Variants in GM2A observed in about 807,000 individuals in gnomAD.
GM2A encodes ganglioside GM2 activator, also known as GM2 ganglioside activator.
In GM2A, 7 loss-of-function variants were observed where a neutral mutation model predicts 12.9. The ratio of observed to expected loss-of-function variants is 0.54; its 90% CI spans 0.31 to 1.02. The LOEUF (loss-of-function observed/expected upper bound fraction) is 1.02, where lower values mean the gene tolerates loss of function less well. Ranked by LOEUF, GM2A falls within the 50% of genes least tolerant of loss-of-function variation. GM2A has a pLI of 0.05. For missense variants in GM2A, 246 were observed against 241.0 expected, an observed-to-expected ratio of 1.02 and a Z score of -0.14; for synonymous variants, 101 against 96.0, an observed-to-expected ratio of 1.05 and a Z score of -0.30.
At position 151,259,850 on chromosome 5, in the gene GM2A, C is replaced by T. The variant is rs745799277; in HGVS notation, c.177C>T (p.Ile59=). The change falls in exon 2 of 4, where the codon ATC becomes ATT. Residue 59 remains isoleucine, a synonymous_variant. Coordinates refer to ENST00000357164, the MANE Select transcript of GM2A (RefSeq NM_000405.5). Reference sequence around the variant, plus strand: ...TGACTCTGGAGCCTGACCCCATCATCGTTCCTGGAAATGTGACCCTCAGTG... The same window carrying T: ...TGACTCTGGAGCCTGACCCCATCATTGTTCCTGGAAATGTGACCCTCAGTG... ...RSLTLEPDPI[I]VPGNVTLSVM... 4.9e-5 allele frequency: 79 copies of T among 1,613,226 alleles called. No homozygotes were observed. Among genetic ancestry groups the T allele is most frequent in the Non-Finnish European group, 6.4e-5 (75 of 1,179,304 alleles).
chr5:151,258,082 G>A (rs527511104), intron 1 of GM2A, among the ~76,000 whole-genome samples: 15 of 152,364 alleles, frequency 9.8e-5, no homozygotes, highest in African/African-American at 3.4e-4. Flanking sequence ...AATGTTGAAG[G>A]AAACATTTAG....
chr5:151,258,062 T>C (rs769335943), intron 1 of GM2A, among the ~76,000 whole-genome samples: 3 of 152,336 alleles, frequency 2.0e-5, no homozygotes, highest in Admixed American at 6.5e-5. Context: ...CCATAAATAT[T>C]TGTGGAATGA....
chr5:151,259,669 A>C, intron 1 of GM2A, 86 bp from the exon 2 acceptor site: 33 of 1,287,864 alleles, frequency 2.6e-5, no homozygotes, highest in Non-Finnish European at 3.2e-5. Flanking sequence ...TCACTCTGCC[A>C]GGAGCTCATT....
Position 151,266,448 on chromosome 5 carries a change from A to G in GM2A, c.244-283A>G, listed in dbSNP as rs1045426949. ...CAGTGAGTGCAGTGAGCCATGATAC[A>G]AAAAAAAAAAAAAAGAATTCTAAGT... On this transcript the variant is annotated intron_variant, in intron 2 of 3. Coordinates refer to ENST00000357164, the MANE Select transcript of GM2A (RefSeq NM_000405.5). 7.4e-5 allele frequency among the ~76,000 whole-genome samples: 6 copies of G among 81,412 alleles called. No individual in the cohort carries two copies. In the Admixed American group the frequency reaches 8.8e-4, roughly 12 times the overall value. The allele number at this position is 81,412 out of a possible 152,430, so 53.4% of individuals were successfully genotyped here. A position where few individuals can be genotyped will look rare whatever the true frequency, so the allele number is the denominator to read the frequency against.
In GM2A at chr5:151,270,424, C is replaced by A. The variant is rs1753986575; in HGVS notation, c.*2973C>A. 2 of 398,102 alleles carry A rather than the reference C, an allele frequency of 5.0e-6. No individual in the cohort carries two copies. Among genetic ancestry groups the A allele is most frequent in the Admixed American group, 4.4e-5 (1 of 22,706 alleles). 24.7% of individuals were successfully genotyped at this position (398,102 alleles called of 1,614,324 possible). ...ATGACTGGGAGAAAAATTTATCCAG[C>A]CTATATAATAGACAAACAGTTAGTG... On this transcript the variant is annotated 3_prime_UTR_variant, in exon 4 of 4. Transcript: ENST00000357164.
intron 1 of GM2A, among the ~76,000 whole-genome samples, chr5:151,253,766 G>A (rs1753634826): frequency 6.6e-6 from 1 of 152,176 alleles, no homozygotes; most frequent in Middle Eastern, 3.4e-3. Context: ...TTGCCCATCT[G>A]GTGACAAATA....
chr5:151,254,594 C>T (rs1016960801), intron 1 of GM2A, among the ~76,000 whole-genome samples: 26 of 152,238 alleles, frequency 1.7e-4, no homozygotes, highest in African/African-American at 6.3e-4. Context: ...CTTAACTTTC[C>T]ATGAGGTTAT....
chr5:151,261,007 A>G (rs1016111491), intron 2 of GM2A, among the ~76,000 whole-genome samples: 1 of 151,630 alleles, frequency 6.6e-6, no homozygotes, highest in African/African-American at 2.4e-5. Flanking sequence ...TTTTTATCCA[A>G]TCATTATTTT....
rs1753973317 is a variant in GM2A at position 151,269,822 on chromosome 5, C to A, written c.*2371C>A. On this transcript the variant is annotated 3_prime_UTR_variant, in exon 4 of 4. Coordinates refer to ENST00000357164, the MANE Select transcript of GM2A (RefSeq NM_000405.5). ...ACATTCAGTCCTCTCACCGAGGTGC[C>A]CCATGGCAGTCTTCTGCAGCATTCT... The A allele has an allele frequency of 4.0e-6, 1 of 249,040 alleles. No individual in the cohort carries two copies. Among genetic ancestry groups the A allele is most frequent in the South Asian group, 1.6e-4 (1 of 6,380 alleles). The allele number at this position is 249,040 out of a possible 1,614,324, so 15.4% of individuals were successfully genotyped here.
intron 1 of GM2A, among the ~76,000 whole-genome samples, chr5:151,259,034 T>C (rs1395315892): frequency 6.6e-6 from 1 of 151,894 alleles, no homozygotes; most frequent in Non-Finnish European, 1.5e-5. Context: ...TCAGGAGACC[T>C]GGGGGATGTG....
At chr5:151,260,052 C>T in intron 2 of GM2A, 136 bp downstream of exon 2, 1 of 631,316 alleles carries the variant, frequency 1.6e-6, no homozygotes, top group Non-Finnish European at 2.7e-6. Context: ...CATGTAGATT[C>T]AGACACTCTT....
intron 2 of GM2A, among the ~76,000 whole-genome samples, chr5:151,265,842 C>T (rs767137537): frequency 6.6e-6 from 1 of 152,174 alleles, no homozygotes; most frequent in Non-Finnish European, 1.5e-5. Context: ...TCAGGGAGCC[C>T]GTACTCCTTG....
At chr5:151,265,047 A>T (rs1000251866) in intron 2 of GM2A, among the ~76,000 whole-genome samples, 1 of 151,872 alleles carries the variant, frequency 6.6e-6, no homozygotes, top group African/African-American at 2.4e-5. Flanking sequence ...CCAAGGGCAC[A>T]ATAAAACTAG....
intron 1 of GM2A, among the ~76,000 whole-genome samples, chr5:151,259,376 C>T (rs567949127): frequency 4.6e-5 from 7 of 152,214 alleles, no homozygotes; most frequent in Admixed American, 2.6e-4. Flanking sequence ...CAGGAGCTTG[C>T]CCTCTGCTGG....
At chr5:151,263,809 C>T (rs777235919) in intron 2 of GM2A, among the ~76,000 whole-genome samples, 48 of 152,216 alleles carry the variant, frequency 3.2e-4, no homozygotes, top group Non-Finnish European at 5.9e-4. Flanking sequence ...AGGAGAGTGA[C>T]TGCCCAAACC....
chr5:151,254,812 A>C lies in GM2A; in HGVS notation c.81+1515A>C, dbSNP rs149585239. Reference sequence around the variant, plus strand: ...ATGTGATTTACTGAAGACTGTACTGAAAGTGAAAAACAGTATGGATACTAA... The same window carrying C: ...ATGTGATTTACTGAAGACTGTACTGCAAGTGAAAAACAGTATGGATACTAA... On this transcript the variant is annotated intron_variant, in intron 1 of 3. Coordinates refer to ENST00000357164, the MANE Select transcript of GM2A (RefSeq NM_000405.5). Among the ~76,000 whole-genome samples the C allele has an allele frequency of 3.3e-3, 505 of 152,344 alleles. 5 individuals carry two copies. The highest frequency in any genetic ancestry group is 0.011 in the African/African-American group (460 of 41,580).
At chr5:151,260,751 A>C (rs1485235149) in intron 2 of GM2A, among the ~76,000 whole-genome samples, 2 of 152,212 alleles carry the variant, frequency 1.3e-5, no homozygotes, top group South Asian at 4.1e-4. Flanking sequence ...ACACATATTT[A>C]TTTTTAATGG....
intron 1 of GM2A, among the ~76,000 whole-genome samples, chr5:151,258,241 A>G (rs1242165934): frequency 1.3e-5 from 2 of 152,250 alleles, no homozygotes; most frequent in African/African-American, 4.8e-5. Flanking sequence ...AGCGGAGGCT[A>G]GGACGCTAAT....
At chr5:151,257,050 A>G (rs1001579048) in intron 1 of GM2A, among the ~76,000 whole-genome samples, 1 of 152,076 alleles carries the variant, frequency 6.6e-6, no homozygotes, top group Non-Finnish European at 1.5e-5. Context: ...GGGTTAACTT[A>G]CCCATGGTCT....
Sources: allele counts gnomAD v4.1 joint callset (sites outside exome capture counted in the v4.1 genomes callset), GRCh38; gene constraint gnomAD v4.1.1; transcripts MANE v1.5; gene names NCBI Gene and HGNC (gene_info 2026-07-23, HGNC 2026-07-21).